MDGA1: variants seen among roughly 807,000 people sequenced by gnomAD.
The protein encoded by MDGA1 is MAM domain-containing glycosylphosphatidylinositol anchor protein 1.
MDGA1 carries 54 observed loss-of-function variants against 101.5 expected under a neutral mutation model. The ratio of observed to expected loss-of-function variants is 0.53; its 90% CI spans 0.43 to 0.67. The LOEUF (loss-of-function observed/expected upper bound fraction) is 0.67. MDGA1 is among the 30% of genes least tolerant of loss of function. The pLI, the probability that MDGA1 is intolerant of heterozygous loss-of-function variation, is 0.00. For missense variants in MDGA1, 1,083 were observed against 1,323.8 expected, an observed-to-expected ratio of 0.82 and a Z score of 2.82; for synonymous variants, 533 against 558.3, an observed-to-expected ratio of 0.95 and a Z score of 0.64.
At chr6:37,643,206 T>G (rs1764132530) in intron 14 of MDGA1, 1 of 152,338 alleles carries the variant, frequency 6.6e-6, no homozygotes, top group African/African-American at 2.4e-5. Flanking sequence ...TCACTCCATA[T>G]TTGCATCCTC....
chr6:37,635,021 G>A lies in MDGA1; in HGVS notation c.*2347C>T, dbSNP rs146071330. 1 of 154,906 alleles carries A rather than the reference G, an allele frequency of 6.5e-6. No individual in the cohort carries two copies. Among genetic ancestry groups the A allele is most frequent in the Non-Finnish European group, 1.4e-5 (1 of 69,890 alleles). 9.6% of individuals were successfully genotyped at this position (154,906 alleles called of 1,614,324 possible). A position where few individuals can be genotyped will look rare whatever the true frequency, so the allele number is the denominator to read the frequency against. On this transcript the variant is annotated 3_prime_UTR_variant, in exon 17 of 17. Coordinates refer to ENST00000434837, the MANE Select transcript of MDGA1 (RefSeq NM_153487.4). ...GCACTTGGGGCTATTCATCTCTGGT[G>A]CTCCAATGCCTACCCCAGCGAGGGC...
Position 37,664,028 on chromosome 6 carries a change from G to A in MDGA1, c.146C>T (p.Thr49Ile). The change falls in exon 2 of 17, where the codon ACC (threonine) becomes ATC (isoleucine). Residue 49 changes from threonine to isoleucine, a missense_variant. Physicochemically the swap from Thr to Ile is moderately conservative, Grantham distance 89. Around this residue, in one of 3 missense-constraint regions of MDGA1, gnomAD observed 310 missense variants for 355.9 expected, o/e 0.87. Coordinates refer to ENST00000434837, the MANE Select transcript of MDGA1 (RefSeq NM_153487.4). Reference sequence around the variant, plus strand: ...CATGAGGGTGTCCCCCTCCCGGATGGTGTAGACACGCTCGCTGATATTGTC... The same window carrying A: ...CATGAGGGTGTCCCCCTCCCGGATGATGTAGACACGCTCGCTGATATTGTC... ...KEDNISERVY[T>I]IREGDTLMLQ... 6.2e-7 allele frequency: 1 copy of A among 1,613,932 alleles called. No individual in the cohort carries two copies.
intron 9 of MDGA1, 32 bp from the exon 10 acceptor site, chr6:37,647,356 T>G (rs1761231529): frequency 6.8e-7 from 1 of 1,462,376 alleles, no homozygotes. Flanking sequence ...CATTGGGCCG[T>G]GGAGGGTGCA....
rs1029670682 is a variant in MDGA1 at position 37,697,453 on chromosome 6, G to C, written c.-642C>G. 1 of 152,076 alleles carries C rather than the reference G, an allele frequency of 6.6e-6. No homozygotes were observed. Among genetic ancestry groups the C allele is most frequent in the Admixed American group, 6.5e-5 (1 of 15,278 alleles). The allele number at this position is 152,076 out of a possible 1,614,324, so 9.4% of individuals were successfully genotyped here. On this transcript the variant is annotated 5_prime_UTR_variant, in exon 1 of 17. Transcript: ENST00000434837. Reference sequence around the variant, plus strand: ...GAGGGACGAGCGCCGCGGGTCCCCGGGTCCGTGAAGTTAGCCGAGCCGCCG... The same window carrying C: ...GAGGGACGAGCGCCGCGGGTCCCCGCGTCCGTGAAGTTAGCCGAGCCGCCG...
At chr6:37,661,416 T>C (rs1322487425) in intron 2 of MDGA1, among the ~76,000 whole-genome samples, 2 of 152,214 alleles carry the variant, frequency 1.3e-5, no homozygotes, top group Non-Finnish European at 2.9e-5. Flanking sequence ...GACCACTAAG[T>C]GGGCCATGAG....
intron 1 of MDGA1, among the ~76,000 whole-genome samples, chr6:37,679,089 CTTATT>C (rs1377912908): frequency 1.3e-5 from 2 of 152,016 alleles, no homozygotes. Flanking sequence ...TAAGTAGTCT[CTTATT>C]TTTTCTCCAT....
chr6:37,646,648 G>C (rs1286226097), intron 10 of MDGA1, among the ~76,000 whole-genome samples: 1 of 152,196 alleles, frequency 6.6e-6, no homozygotes, highest in African/African-American at 2.4e-5. Context: ...AGGCCAAAGA[G>C]AGTAGCTTGC....
In MDGA1 at chr6:37,635,465, TCAGA is replaced by T. The variant is rs1404614040; in HGVS notation, c.*1899_*1902del. On this transcript the variant is annotated 3_prime_UTR_variant, in exon 17 of 17. Transcript: ENST00000434837. ...TGCTGAGAACCTGGAGCGACTCATT[TCAGA>T]CAGAGGCCTTGACTGGGTCAGGAAG... 1 of 398,720 alleles carries T rather than the reference TCAGA, an allele frequency of 2.5e-6. No homozygotes were observed. The highest frequency in any genetic ancestry group is 4.4e-6 in the Non-Finnish European group (1 of 226,146). 24.7% of individuals were successfully genotyped at this position (398,720 alleles called of 1,614,324 possible). A position where few individuals can be genotyped will look rare whatever the true frequency, so the allele number is the denominator to read the frequency against.
chr6:37,683,072 T>C (rs1762129573), intron 1 of MDGA1, among the ~76,000 whole-genome samples: 1 of 152,156 alleles, frequency 6.6e-6, no homozygotes, highest in African/African-American at 2.4e-5. Context: ...TCTATGTTGG[T>C]TTTAAATTCA....
chr6:37,654,345 C>G lies in MDGA1; in HGVS notation c.911G>C (p.Gly304Ala). The change falls in exon 6 of 17, where the codon GGC becomes GCC. Residue 304 changes from glycine to alanine, a missense_variant. By Grantham distance (60) the Gly-to-Ala change is moderately conservative (BLOSUM62 0). This residue lies in a region of MDGA1 where 116 missense variants were observed against 196.6 expected (regional missense o/e 0.59). Transcript: ENST00000434837. ...SIPSVQARDS[G>A]YYNCTATNNV... is the part of the protein sequence containing the mutation. ...GTTGGTGGCTGTGCAGTTGTAGTAG[C>G]CAGAGTCCCGGGCCTGCACTGAAGG... The G allele has an allele frequency of 1.9e-6, 3 of 1,608,258 alleles. No individual in the cohort carries two copies. The highest frequency in any genetic ancestry group is 2.5e-6 in the Non-Finnish European group (3 of 1,176,912).
At position 37,637,152 on chromosome 6, in the gene MDGA1, T is replaced by A. The variant is rs948998885; in HGVS notation, c.*216A>T. ...ATATCTCTGTGTGTGTGAGCATGAG[T>A]GTGTGCGTGTGTGCAAGTGGAACAG... On this transcript the variant is annotated 3_prime_UTR_variant, in exon 17 of 17. Transcript: ENST00000434837. The A allele has an allele frequency of 5.6e-6, 3 of 534,778 alleles. No homozygotes were observed. Among genetic ancestry groups the A allele is most frequent in the Non-Finnish European group, 6.7e-6 (2 of 298,978 alleles). The allele number at this position is 534,778 out of a possible 1,614,324, so 33.1% of individuals were successfully genotyped here. A position where few individuals can be genotyped will look rare whatever the true frequency, so the allele number is the denominator to read the frequency against.
intron 1 of MDGA1, among the ~76,000 whole-genome samples, chr6:37,669,982 G>A (rs1333962867): frequency 6.6e-6 from 1 of 152,186 alleles, no homozygotes; most frequent in African/African-American, 2.4e-5. Context: ...CATGGGGAGA[G>A]GAAAGGTCTG....
At chr6:37,657,762 T>C (rs1761524504) in intron 3 of MDGA1, among the ~76,000 whole-genome samples, 1 of 152,230 alleles carries the variant, frequency 6.6e-6, no homozygotes, top group Non-Finnish European at 1.5e-5. Flanking sequence ...ACTGGCAGCT[T>C]CTCATGCAGC....
chr6:37,647,341 G>T lies in MDGA1; in HGVS notation c.1895-17C>A, dbSNP rs1023431108. 2 of 1,507,926 alleles carry T rather than the reference G, an allele frequency of 1.3e-6. No individual in the cohort carries two copies. The highest frequency in any genetic ancestry group is 1.4e-5 in the African/African-American group (1 of 72,474). The allele number at this position is 1,507,926 out of a possible 1,614,324, so 93.4% of individuals were successfully genotyped here. On this transcript the variant is annotated splice_polypyrimidine_tract_variant and intron_variant, in intron 9 of 16. Transcript: ENST00000434837. Reference sequence around the variant, plus strand: ...AGGCTTTGGCTAAGAGGGCGGGGAGGGGGGCATTGGGCCGTGGAGGGTGCA... The same window carrying T: ...AGGCTTTGGCTAAGAGGGCGGGGAGTGGGGCATTGGGCCGTGGAGGGTGCA...
intron 2 of MDGA1, among the ~76,000 whole-genome samples, chr6:37,661,205 T>C (rs1328155382): frequency 6.6e-6 from 1 of 152,226 alleles, no homozygotes; most frequent in Non-Finnish European, 1.5e-5. Context: ...CCTCAATGCA[T>C]ACCCCTTATG....
intron 1 of MDGA1, among the ~76,000 whole-genome samples, chr6:37,669,567 C>T (rs1761827431): frequency 6.6e-6 from 1 of 152,138 alleles, no homozygotes; most frequent in African/African-American, 2.4e-5. Flanking sequence ...CATGAGTCAG[C>T]CTCCCATTGG....
At position 37,663,974 on chromosome 6, in the gene MDGA1, C is replaced by T. The variant is rs771400570; in HGVS notation, c.200G>A (p.Arg67Gln). 6.8e-6 allele frequency: 11 copies of T among 1,613,772 alleles called. No homozygotes were observed. Among genetic ancestry groups the T allele is most frequent in the Non-Finnish European group, 9.3e-6 (11 of 1,179,770 alleles). ...GCTGGGCTGGGGGCTTACCTGGGGT[C>T]GAGGGTGCCCTGTTACAAGGCACTG... is the stretch of plus-strand genomic sequence containing the variant. Reference protein sequence around the residue: ...MLQCLVTGHPRPQVRWTKTAG... With the variant: ...MLQCLVTGHPQPQVRWTKTAG... The change falls in exon 2 of 17, where the codon CGA (arginine) becomes CAA (glutamine). Residue 67 changes from arginine (R) to glutamine (Q), a missense_variant. Arg to Gln is a conservative substitution (Grantham distance 43). Transcript: ENST00000434837.
Position 37,638,569 on chromosome 6 carries a change from G to T in MDGA1, c.2635C>A (p.His879Asn). 6.2e-7 allele frequency: 1 copy of T among 1,613,980 alleles called. No homozygotes were observed. Among genetic ancestry groups the T allele is most frequent in the Non-Finnish European group, 8.5e-7 (1 of 1,179,876 alleles). ...GGCCCACTGGGGCTGATGGGCACAT[G>T]GGCCTGCTGCCACACATTGCCCTTA... The part of the protein sequence containing the change: ...GNKGNVWQQA[H>N]VPISPSGPFQ... Residue 879 changes from histidine (H) to asparagine (N), a missense_variant, in exon 15 of 17, where the codon CAT becomes AAT. His to Asn is a moderately conservative substitution (Grantham distance 68). This residue lies in a region of MDGA1 where 657 missense variants were observed against 771.4 expected (regional missense o/e 0.85). Coordinates refer to ENST00000434837, the MANE Select transcript of MDGA1 (RefSeq NM_153487.4). This position sits in a 1 kb window ranked among gnomAD's most constrained non-coding sequence, Gnocchi z 4.8.
At chr6:37,661,296 C>G (rs1271567297) in intron 2 of MDGA1, among the ~76,000 whole-genome samples, 2 of 152,202 alleles carry the variant, frequency 1.3e-5, no homozygotes, top group Non-Finnish European at 2.9e-5. Flanking sequence ...CTGCTACCTG[C>G]CATCACTGTA....
Sources: gnomAD v4.1 joint callset for allele counts (sites outside exome capture counted in the v4.1 genomes callset) on GRCh38, gnomAD v4.1.1 for gene constraint, gnomAD v4.1.1 regional missense constraint, Gnocchi (gnomAD v3.1) non-coding constraint, MANE v1.5 for transcripts, NCBI Gene and HGNC (gene_info 2026-07-23, HGNC 2026-07-21) for gene names.